The following SPOCK1 variants were observed in gnomAD, a reference collection of about 807,000 sequenced individuals.
The protein encoded by SPOCK1 is testican-1.
Under a neutral mutation model 55.3 loss-of-function variants are expected in SPOCK1, and 23 were observed. That is an observed-to-expected ratio of 0.42 (90% CI 0.30 to 0.59). SPOCK1 has a LOEUF of 0.59. Among genes scored for constraint, SPOCK1 ranks in the 20% least tolerant of loss-of-function variants. The pLI, the probability that SPOCK1 is intolerant of heterozygous loss-of-function variation, is 0.22. For synonymous variants in SPOCK1, 226 were observed against 221.0 expected, an observed-to-expected ratio of 1.02 and a Z score of -0.20; for missense variants, 499 against 552.5, an observed-to-expected ratio of 0.90 and a Z score of 0.97.
At chr5:137,069,576 A>G (rs1752570686) in intron 5 of SPOCK1, among the ~76,000 whole-genome samples, 2 of 152,220 alleles carry the variant, frequency 1.3e-5, no homozygotes, top group African/African-American at 4.8e-5. Context: ...TACAGAGAGC[A>G]CGTGGACTGA....
chr5:137,160,614 AAT>A (rs777851927), intron 3 of SPOCK1, among the ~76,000 whole-genome samples: 1,352 of 67,906 alleles, frequency 0.02, 98 homozygotes, highest in African/African-American at 0.074. Flanking sequence ...TATAATATAT[AAT>A]ATATATTTTA....
At chr5:137,362,225 A>C (rs57659633) in intron 2 of SPOCK1, among the ~76,000 whole-genome samples, 10,130 of 152,180 alleles carry the variant, frequency 0.067, 639 homozygotes, top group African/African-American at 0.16. Context: ...AAAGTGACTT[A>C]TTTAAGGGTT....
chr5:137,405,234 C>T (rs1189870905), intron 2 of SPOCK1, among the ~76,000 whole-genome samples: 1 of 152,150 alleles, frequency 6.6e-6, no homozygotes. Flanking sequence ...GTGAAATCAA[C>T]CTGAAATGAT....
intron 2 of SPOCK1, among the ~76,000 whole-genome samples, chr5:137,411,306 G>A (rs550002992): frequency 2.6e-5 from 4 of 152,224 alleles, no homozygotes; most frequent in African/African-American, 4.8e-5. Flanking sequence ...GAATGAGGAC[G>A]GGTAGAGAGA....
chr5:137,221,900 A>C (rs1449812624), intron 3 of SPOCK1, among the ~76,000 whole-genome samples: 1 of 152,160 alleles, frequency 6.6e-6, no homozygotes, highest in Non-Finnish European at 1.5e-5. Context: ...CATCTCAGGG[A>C]AGCAGCGCCC....
chr5:137,449,351 C>T (rs2149834227), intron 2 of SPOCK1, among the ~76,000 whole-genome samples: 1 of 152,366 alleles, frequency 6.6e-6, no homozygotes, highest in East Asian at 1.9e-4. Flanking sequence ...CCCCACCTCT[C>T]TCCTCTCAGC....
chr5:137,127,147 T>C (rs1057447136), intron 4 of SPOCK1, among the ~76,000 whole-genome samples: 7 of 152,086 alleles, frequency 4.6e-5, no homozygotes, highest in Non-Finnish European at 7.4e-5. Context: ...AAGACAATGG[T>C]GAGATTAGTC....
chr5:137,382,740 C>T, intron 2 of SPOCK1, among the ~76,000 whole-genome samples: 1 of 152,124 alleles, frequency 6.6e-6, no homozygotes, highest in East Asian at 1.9e-4. Flanking sequence ...TCACCTCTGA[C>T]CAGGCTCCTC....
At position 137,416,744 on chromosome 5, in the gene SPOCK1, G is replaced by T. The variant is rs150139578; in HGVS notation, c.186+81629C>A. Among the ~76,000 whole-genome samples the T allele has an allele frequency of 2.0e-5, 3 of 152,244 alleles. No homozygotes were observed. The East Asian group carries it at 5.8e-4, about 29-fold the overall frequency. On this transcript the variant is annotated intron_variant, in intron 2 of 10. Transcript: ENST00000394945. ...ACACTCTCAGCAACAATCAGTGAGAGTTCCACATCCCCACCAGCACCAAGC... is the reference window on the plus strand; with the variant it reads ...ACACTCTCAGCAACAATCAGTGAGATTTCCACATCCCCACCAGCACCAAGC...
intron 3 of SPOCK1, among the ~76,000 whole-genome samples, chr5:137,167,475 G>GAT (rs143040945): frequency 0.18 from 27,285 of 151,586 alleles, 3,246 homozygotes; most frequent in East Asian, 0.38. Flanking sequence ...GAATCTAGTA[G>GAT]ATATTTACAG....
intron 3 of SPOCK1, among the ~76,000 whole-genome samples, chr5:137,191,347 A>G (rs1347187867): frequency 6.6e-6 from 1 of 152,192 alleles, no homozygotes; most frequent in East Asian, 1.9e-4. Context: ...CTCTTTTTTC[A>G]TAATCTTTGC....
intron 3 of SPOCK1, among the ~76,000 whole-genome samples, chr5:137,220,318 A>T (rs1331594423): frequency 1.3e-5 from 2 of 152,140 alleles, no homozygotes; most frequent in African/African-American, 4.8e-5. Flanking sequence ...TACATAACTA[A>T]TCCTTTCACT....
chr5:137,159,451 G>GT (rs934362229), intron 3 of SPOCK1, among the ~76,000 whole-genome samples: 21 of 152,080 alleles, frequency 1.4e-4, no homozygotes, highest in African/African-American at 5.1e-4. Context: ...CCAATATGTA[G>GT]TTTTTTATCC....
At chr5:137,453,013 G>A (rs1323507486) in intron 2 of SPOCK1, among the ~76,000 whole-genome samples, 1 of 152,166 alleles carries the variant, frequency 6.6e-6, no homozygotes, top group East Asian at 1.9e-4. Context: ...TTTAGAAAAA[G>A]AGAAGATGAA....
intron 2 of SPOCK1, among the ~76,000 whole-genome samples, chr5:137,358,422 G>GAAGGAAGGAAGGA (rs150734871): frequency 1.7e-5 from 2 of 120,092 alleles, no homozygotes; most frequent in South Asian, 3.5e-4. Context: ...AGGAAGGAAG[G>GAAGGAAGGAAGGA]AGGAAAGAAA....
chr5:137,484,622 G>A (rs939472708), intron 2 of SPOCK1, among the ~76,000 whole-genome samples: 4 of 152,312 alleles, frequency 2.6e-5, no homozygotes, highest in South Asian at 2.1e-4. Flanking sequence ...TCAGTACCAC[G>A]TGACAACAAA....
At chr5:137,260,886 C>T (rs1443026263) in intron 3 of SPOCK1, among the ~76,000 whole-genome samples, 2 of 152,060 alleles carry the variant, frequency 1.3e-5, no homozygotes, top group African/African-American at 4.8e-5. Flanking sequence ...AGGCTGGAGC[C>T]GAGTGTGCGT....
intron 6 of SPOCK1, among the ~76,000 whole-genome samples, chr5:137,055,516 T>A (rs1405482938): frequency 1.3e-5 from 2 of 152,202 alleles, no homozygotes; most frequent in African/African-American, 2.4e-5. Context: ...TTGGGCACAA[T>A]GGTAATCAGA....
At chr5:137,451,169 T>C (rs948106361) in intron 2 of SPOCK1, among the ~76,000 whole-genome samples, 9 of 152,098 alleles carry the variant, frequency 5.9e-5, no homozygotes, top group Admixed American at 4.6e-4. Flanking sequence ...CCCTCCTTGA[T>C]CCTTAGTCTA....
Sources: allele counts gnomAD v4.1 joint callset (sites outside exome capture counted in the v4.1 genomes callset), GRCh38; gene constraint gnomAD v4.1.1; transcripts MANE v1.5; gene names NCBI Gene and HGNC (gene_info 2026-07-23, HGNC 2026-07-21).